The following TBC1D5 variants were observed in gnomAD, a reference collection of about 807,000 sequenced individuals.
TBC1D5 encodes the protein TBC1 domain family member 5, also known as TBC1 domain family, member 5.
In TBC1D5, 75 loss-of-function variants were observed where a neutral mutation model predicts 100.3. The observed-to-expected ratio is 0.75, with a 90% CI of 0.62 to 0.91. The LOEUF (loss-of-function observed/expected upper bound fraction) is 0.91, where lower values mean the gene tolerates loss of function less well. Ranked by LOEUF, TBC1D5 falls within the 40% of genes least tolerant of loss-of-function variation. TBC1D5 has a pLI of 0.00. For missense variants in TBC1D5, 910 were observed against 942.4 expected (o/e 0.97, Z 0.45); for synonymous variants, 323 against 325.6 (o/e 0.99, Z 0.09).
At chr3:17,573,839 T>A (rs768127596) in intron 2 of TBC1D5, among the ~76,000 whole-genome samples, 1 of 151,996 alleles carries the variant, frequency 6.6e-6, no homozygotes, top group East Asian at 1.9e-4. Context: ...ATCTATCACA[T>A]AATTCATCAC....
chr3:17,623,243 C>A (rs963291424), intron 2 of TBC1D5, among the ~76,000 whole-genome samples: 3 of 152,100 alleles, frequency 2.0e-5, no homozygotes. Context: ...TCAGATTCTG[C>A]GTATCTAGGA....
At chr3:17,371,970 G>C in intron 13 of TBC1D5, 105 bp downstream of exon 13, 1 of 1,109,086 alleles carries the variant, frequency 9.0e-7, no homozygotes, top group Non-Finnish European at 1.2e-6. Context: ...CCAGGGGGCA[G>C]AGTTTGCAGT....
chr3:17,160,475 G>A (rs1340280109), exon 22 of TBC1D5: 2 of 156,100 alleles, frequency 1.3e-5, no homozygotes, highest in African/African-American at 2.4e-5. Flanking sequence ...AATAAAGTAG[G>A]CTGAGACAGA....
intron 2 of TBC1D5, among the ~76,000 whole-genome samples, chr3:17,543,510 C>A (rs2153427820): frequency 6.6e-6 from 1 of 152,082 alleles, no homozygotes; most frequent in African/African-American, 2.4e-5. Context: ...TGGTGGTGTG[C>A]ACCTGCAGTC....
chr3:17,188,303 T>C (rs1166568758), intron 18 of TBC1D5, among the ~76,000 whole-genome samples: 2 of 152,188 alleles, frequency 1.3e-5, no homozygotes, highest in African/African-American at 4.8e-5. Context: ...AATTTTTGCT[T>C]AGGGCTCTGG....
At chr3:17,459,275 T>A (rs1266994679) in intron 3 of TBC1D5, among the ~76,000 whole-genome samples, 1 of 152,130 alleles carries the variant, frequency 6.6e-6, no homozygotes, top group Non-Finnish European at 1.5e-5. Context: ...AGGGATGGCT[T>A]CAGGATGAAA....
chr3:17,262,370 T>C (rs1212010497), intron 15 of TBC1D5, among the ~76,000 whole-genome samples: 1 of 152,166 alleles, frequency 6.6e-6, no homozygotes, highest in East Asian at 1.9e-4. Flanking sequence ...CACTATCATA[T>C]GTGTGGTCTG....
At chr3:17,441,293 C>A (rs1401345091) in intron 3 of TBC1D5, among the ~76,000 whole-genome samples, 1 of 151,730 alleles carries the variant, frequency 6.6e-6, no homozygotes, top group African/African-American at 2.4e-5. Flanking sequence ...GAGGAGCAGG[C>A]GGAGAAAACA....
chr3:17,485,867 T>C (rs371453241), intron 3 of TBC1D5, among the ~76,000 whole-genome samples: 1 of 152,146 alleles, frequency 6.6e-6, no homozygotes, highest in Admixed American at 6.5e-5. Flanking sequence ...AGTAATGGGA[T>C]GGTTGGGTCA....
At chr3:17,302,681 TC>T (rs1210721783) in intron 14 of TBC1D5, among the ~76,000 whole-genome samples, 1 of 152,048 alleles carries the variant, frequency 6.6e-6, no homozygotes, top group African/African-American at 2.4e-5. Context: ...GACCCTTTGA[TC>T]CCCATCCACT....
At chr3:17,493,062 G>T (rs1191638747) in intron 3 of TBC1D5, among the ~76,000 whole-genome samples, 2 of 152,124 alleles carry the variant, frequency 1.3e-5, no homozygotes, top group Non-Finnish European at 2.9e-5. Flanking sequence ...TTTTTGTAGT[G>T]GCTGGTAATG....
At chr3:17,638,094 T>C (rs192787314) in intron 1 of TBC1D5, among the ~76,000 whole-genome samples, 2 of 152,006 alleles carry the variant, frequency 1.3e-5, no homozygotes. Flanking sequence ...ATTCTTCTTC[T>C]TTTTTTTAAT....
chr3:17,660,266 G>C (rs149788041), intron 1 of TBC1D5, among the ~76,000 whole-genome samples: 3 of 152,228 alleles, frequency 2.0e-5, no homozygotes, highest in Middle Eastern at 3.4e-3. Flanking sequence ...TCTTGATCAA[G>C]GAGTGGATTA....
intron 15 of TBC1D5, among the ~76,000 whole-genome samples, chr3:17,264,658 C>A (rs555538842): frequency 6.6e-6 from 1 of 152,268 alleles, no homozygotes; most frequent in South Asian, 2.1e-4. Flanking sequence ...CAGTGAGGGT[C>A]GTACTCAGAT....
chr3:17,570,807 T>C (rs1016948481), intron 2 of TBC1D5, among the ~76,000 whole-genome samples: 1 of 152,046 alleles, frequency 6.6e-6, no homozygotes, highest in Non-Finnish European at 1.5e-5. Flanking sequence ...CATCATTCCA[T>C]CTTATTACAT....
At chr3:17,514,729 A>G (rs910890861) in intron 2 of TBC1D5, among the ~76,000 whole-genome samples, 1 of 152,168 alleles carries the variant, frequency 6.6e-6, no homozygotes, top group Non-Finnish European at 1.5e-5. Flanking sequence ...TTGTGACCAC[A>G]TAAACCAAGA....
At chr3:17,511,026 AGGTATAAAAAAAGGG>A (rs1450511631) in intron 2 of TBC1D5, among the ~76,000 whole-genome samples, 1 of 151,970 alleles carries the variant, frequency 6.6e-6, no homozygotes, top group Non-Finnish European at 1.5e-5. Flanking sequence ...CAAAAAGACC[AGGTATAAAAAAAGGG>A]GGTATAAAAA....
intron 2 of TBC1D5, among the ~76,000 whole-genome samples, chr3:17,580,004 A>C (rs888197700): frequency 6.6e-6 from 1 of 152,148 alleles, no homozygotes; most frequent in Admixed American, 6.5e-5. Flanking sequence ...CATAAAGAAC[A>C]ATAGACACTT....
intron 7 of TBC1D5, among the ~76,000 whole-genome samples, chr3:17,403,903 G>A (rs972813843): frequency 6.6e-6 from 1 of 152,162 alleles, no homozygotes; most frequent in African/African-American, 2.4e-5. Context: ...ATTACAGCAG[G>A]ACTCATAGGC....
Sources: allele counts gnomAD v4.1 joint callset (sites outside exome capture counted in the v4.1 genomes callset), GRCh38; gene constraint gnomAD v4.1.1; transcripts MANE v1.5; gene names NCBI Gene and HGNC (gene_info 2026-07-23, HGNC 2026-07-21).